The following PCDHA7 variants were observed in gnomAD, a reference collection of about 807,000 sequenced individuals.
PCDHA7 encodes the protein protocadherin alpha-7.
In PCDHA7, 37 loss-of-function variants were observed where a neutral mutation model predicts 57.2. The ratio of observed to expected loss-of-function variants is 0.65; its 90% CI spans 0.50 to 0.85. PCDHA7 has a LOEUF of 0.85. Among genes scored for constraint, PCDHA7 ranks in the 40% least tolerant of loss-of-function variants. PCDHA7 has a pLI of 0.00. For missense variants in PCDHA7, 1,188 were observed against 1,241.8 expected (o/e 0.96, Z 0.65); for synonymous variants, 553 against 558.8 (o/e 0.99, Z 0.15).
At position 140,876,499 on chromosome 5, in the gene PCDHA7, G is replaced by A. The variant is rs781995151; in HGVS notation, c.2355+39761G>A. ...CATGGTCCTGGTGGAAGTTCTGGAC[G>A]TGAATGACAATGTCCCTGAAGTAAT... On this transcript the variant is annotated intron_variant, in intron 1 of 3. Transcript: ENST00000525929. 5.0e-6 allele frequency: 8 copies of A among 1,613,910 alleles called. No homozygotes were observed. The Admixed American group carries it at 1.0e-4, about 20-fold the overall frequency.
intron 1 of PCDHA7, chr5:140,926,295 C>T (rs1554203253): frequency 6.6e-6 from 1 of 152,322 alleles, no homozygotes; most frequent in African/African-American, 2.4e-5. Flanking sequence ...CGCTGAGTCC[C>T]GCCCTCTCCG....
intron 1 of PCDHA7, among the ~76,000 whole-genome samples, chr5:140,873,597 T>C (rs2054375206): frequency 6.6e-6 from 1 of 152,354 alleles, no homozygotes; most frequent in Middle Eastern, 3.4e-3. Context: ...TAAACTTAGA[T>C]GTTCCTATTG....
chr5:140,968,637 T>C, intron 1 of PCDHA7: 1 of 1,614,208 alleles, frequency 6.2e-7, no homozygotes. Flanking sequence ...TTTTACCATC[T>C]AGCCCAGACT....
intron 1 of PCDHA7, among the ~76,000 whole-genome samples, chr5:140,892,438 ATT>A (rs2063515415): frequency 6.6e-6 from 1 of 152,198 alleles, no homozygotes; most frequent in African/African-American, 2.4e-5. Context: ...ATTATCTAAA[ATT>A]TACATGTATT....
intron 1 of PCDHA7, chr5:140,867,487 T>C (rs1020782942): frequency 1.3e-5 from 2 of 152,026 alleles, no homozygotes; most frequent in African/African-American, 4.8e-5. Context: ...AGAGTAAATA[T>C]GAAAAAAGTA....
chr5:140,868,449 C>T (rs1323009325), intron 1 of PCDHA7: 1 of 152,158 alleles, frequency 6.6e-6, no homozygotes, highest in Non-Finnish European at 1.5e-5. Context: ...GGAACATAAA[C>T]ACTAAAGAGC....
At chr5:140,870,822 A>G in intron 1 of PCDHA7, 3 of 1,613,698 alleles carry the variant, frequency 1.9e-6, no homozygotes, top group Non-Finnish European at 2.5e-6. Context: ...GCAGCGCGGG[A>G]GGCGCAGTTA....
In PCDHA7 at chr5:140,835,529, C is replaced by T. The variant is rs2150237591; in HGVS notation, c.1146C>T (p.Asn382=). ...TGTTTGACCGAGATTTTGGAGTCAA[C>T]GGACAGGTTACCTGCTCCCTGACGC... ...ISVFDRDFGV[N]GQVTCSLTPR... Residue 382 remains asparagine (N), a synonymous_variant, in exon 1 of 4, where the codon AAC becomes AAT. Coordinates refer to ENST00000525929, the MANE Select transcript of PCDHA7 (RefSeq NM_018910.3). 6.2e-7 allele frequency: 1 copy of T among 1,613,966 alleles called. No individual in the cohort carries two copies. Among genetic ancestry groups the T allele is most frequent in the East Asian group, 2.2e-5 (1 of 44,830 alleles).
intron 1 of PCDHA7, chr5:140,841,149 T>G: frequency 1.3e-6 from 1 of 781,862 alleles, no homozygotes. Flanking sequence ...ATGATGTCGC[T>G]GTCTACCAAG....
intron 1 of PCDHA7, chr5:140,884,570 G>A (rs1174925238): frequency 6.2e-7 from 1 of 1,614,074 alleles, no homozygotes; most frequent in Non-Finnish European, 8.5e-7. Flanking sequence ...GCATAAGACG[G>A]ACCTCATGGC....
intron 1 of PCDHA7, among the ~76,000 whole-genome samples, chr5:140,888,280 C>T (rs182771664): frequency 2.0e-5 from 3 of 152,210 alleles, no homozygotes; most frequent in African/African-American, 4.8e-5. Context: ...GTTTTGTCCC[C>T]TCTACCCCCT....
chr5:140,849,902 G>T, intron 1 of PCDHA7: 2 of 1,598,532 alleles, frequency 1.3e-6, no homozygotes, highest in African/African-American at 1.3e-5. Context: ...AGAACAACCC[G>T]CCGGGCTGCC....
chr5:140,972,391 C>T (rs1554234093), intron 1 of PCDHA7, among the ~76,000 whole-genome samples: 3 of 151,490 alleles, frequency 2.0e-5, no homozygotes, highest in African/African-American at 7.3e-5. Flanking sequence ...TGTTTATTTG[C>T]TTCACTATTG....
At chr5:140,980,409 A>C (rs782265012) in intron 2 of PCDHA7, among the ~76,000 whole-genome samples, 3 of 152,188 alleles carry the variant, frequency 2.0e-5, no homozygotes, top group Non-Finnish European at 4.4e-5. Flanking sequence ...AGGTGGGCAG[A>C]TCATGAGGTC....
intron 1 of PCDHA7, among the ~76,000 whole-genome samples, chr5:140,885,056 C>T (rs1554181973): frequency 6.6e-6 from 1 of 152,106 alleles, no homozygotes; most frequent in East Asian, 1.9e-4. Flanking sequence ...TATACATATA[C>T]CCACAAGATA....
intron 1 of PCDHA7, chr5:140,967,025 C>A: frequency 1.2e-6 from 2 of 1,608,362 alleles, no homozygotes; most frequent in Non-Finnish European, 8.5e-7. Flanking sequence ...TGCGCCCAGT[C>A]CGCGCTACCT....
intron 1 of PCDHA7, chr5:140,967,773 A>C (rs1285230643): frequency 1.9e-6 from 3 of 1,614,108 alleles, no homozygotes; most frequent in Non-Finnish European, 1.7e-6. Context: ...ATCTATGTGC[A>C]GGCGACTGAC....
intron 1 of PCDHA7, among the ~76,000 whole-genome samples, chr5:140,892,776 T>C (rs2063665865): frequency 6.6e-6 from 1 of 152,224 alleles, no homozygotes; most frequent in East Asian, 1.9e-4. Flanking sequence ...TTCTAGCTTC[T>C]TGAAAATATG....
intron 1 of PCDHA7, chr5:140,863,417 G>T (rs182048002): frequency 3.6e-5 from 25 of 701,046 alleles, no homozygotes; most frequent in South Asian, 3.2e-4. Flanking sequence ...CTGGTGTACC[G>T]CAGCGTAGTG....
Sources: allele counts gnomAD v4.1 joint callset (sites outside exome capture counted in the v4.1 genomes callset), GRCh38; gene constraint gnomAD v4.1.1; transcripts MANE v1.5; gene names NCBI Gene and HGNC (gene_info 2026-07-23, HGNC 2026-07-21).